The following PAK2 variants were observed in gnomAD, a reference collection of about 807,000 sequenced individuals.
PAK2 encodes serine/threonine-protein kinase PAK 2.
A neutral mutation model predicts 65.9 loss-of-function variants in PAK2; 21 were observed. The observed-to-expected ratio is 0.32, with a 90% CI of 0.23 to 0.46. The LOEUF (loss-of-function observed/expected upper bound fraction) is 0.46, where lower values mean the gene tolerates loss of function less well. PAK2 is among the 20% of genes least tolerant of loss of function. The probability of loss-of-function intolerance (pLI) is 1.00; values close to 1 mark genes in which losing one functional copy is unlikely to be tolerated. For missense variants in PAK2, 324 were observed against 642.6 expected, an observed-to-expected ratio of 0.50 and a Z score of 5.36; for synonymous variants, 204 against 219.7, an observed-to-expected ratio of 0.93 and a Z score of 0.63.
intron 1 of PAK2, among the ~76,000 whole-genome samples, chr3:196,757,480 A>G (rs533949583): frequency 6.1e-4 from 93 of 152,302 alleles, no homozygotes; most frequent in Non-Finnish European, 9.4e-4. Context: ...TATCAAAAGC[A>G]GGTATCTCTG....
chr3:196,814,460 A>C lies in PAK2; in HGVS notation c.945A>C (p.Val315=). Residue 315 remains valine (V), a synonymous_variant, in exon 11 of 15, where the codon GTA becomes GTC. Transcript: ENST00000327134. ...TATGTTGTATTTTTAGTTACCTGGT[A>C]GGAGATGAATTGTTTGTGGTCATGG... ...NIVNFLDSYL[V]GDELFVVMEY... 1 of 1,314,234 alleles carries C rather than the reference A, an allele frequency of 7.6e-7. No homozygotes were observed. The highest frequency in any genetic ancestry group is 1.1e-6 in the Non-Finnish European group (1 of 921,608). 81.4% of individuals were successfully genotyped at this position (1,314,234 alleles called of 1,614,324 possible).
chr3:196,794,344 A>G (rs1715175267), intron 2 of PAK2, among the ~76,000 whole-genome samples: 2 of 152,158 alleles, frequency 1.3e-5, no homozygotes, highest in Non-Finnish European at 2.9e-5. Flanking sequence ...CAGCACTAAG[A>G]TGATCACCAG....
chr3:196,792,613 A>G (rs1007874960), intron 2 of PAK2, among the ~76,000 whole-genome samples: 2 of 152,200 alleles, frequency 1.3e-5, no homozygotes, highest in Non-Finnish European at 2.9e-5. Context: ...ATACTAAACT[A>G]GTAGTATCTT....
intron 13 of PAK2, among the ~76,000 whole-genome samples, chr3:196,821,839 G>A (rs1245050392): frequency 6.6e-6 from 1 of 152,152 alleles, no homozygotes; most frequent in Non-Finnish European, 1.5e-5. Context: ...TCCTCTGCTG[G>A]GTACAGAGCC....
chr3:196,826,236 A>G (rs1176002925), intron 13 of PAK2, among the ~76,000 whole-genome samples: 1 of 151,386 alleles, frequency 6.6e-6, no homozygotes, highest in East Asian at 1.9e-4. Context: ...CAGTGGCGCA[A>G]TCTCGGCTCA....
At position 196,807,827 on chromosome 3, in the gene PAK2, G is replaced by T. The variant is rs779808851; in HGVS notation, c.622G>T (p.Asp208Tyr). Residue 208 changes from aspartate (D) to tyrosine (Y), a missense_variant, in exon 7 of 15, where the codon GAT (aspartate) becomes TAT (tyrosine). Physicochemically the swap from Asp to Tyr is radical, Grantham distance 160 (BLOSUM62 -3). This residue lies in a region of PAK2 where 183 missense variants were observed against 246.2 expected (regional missense o/e 0.74). Coordinates refer to ENST00000327134, the MANE Select transcript of PAK2 (RefSeq NM_002577.4). ...VIDPVPAPVG[D>Y]SHVDGAAKSL... ...TGACCCTGTTCCTGCACCAGTTGGT[G>T]ATTCACATGTTGATGGTGCTGCCAA... The T allele has an allele frequency of 1.9e-6, 3 of 1,612,698 alleles. No homozygotes were observed. Among genetic ancestry groups the T allele is most frequent in the Non-Finnish European group, 2.5e-6 (3 of 1,179,328 alleles).
intron 1 of PAK2, among the ~76,000 whole-genome samples, chr3:196,753,513 G>A (rs965548632): frequency 6.6e-6 from 1 of 152,176 alleles, no homozygotes; most frequent in Admixed American, 6.5e-5. Flanking sequence ...CTTTTATCTC[G>A]CTAATTACAT....
At chr3:196,751,256 C>T (rs1713569338) in intron 1 of PAK2, among the ~76,000 whole-genome samples, 1 of 152,106 alleles carries the variant, frequency 6.6e-6, no homozygotes. Context: ...ATCCGAAATG[C>T]TCCAAATTCC....
At chr3:196,751,767 C>T (rs1349160454) in intron 1 of PAK2, among the ~76,000 whole-genome samples, 2 of 117,272 alleles carry the variant, frequency 1.7e-5, no homozygotes, top group East Asian at 4.5e-4. Flanking sequence ...TTTTTGAGAC[C>T]GTTTCACTCT....
chr3:196,808,572 A>AAAAAAAAAAAAAAAAAAAAC (rs1715666560), intron 7 of PAK2, among the ~76,000 whole-genome samples: 1 of 145,646 alleles, frequency 6.9e-6, no homozygotes, highest in African/African-American at 2.6e-5. Flanking sequence ...AAAAAAAAAA[A>AAAAAAAAAAAAAAAAAAAAC]AAAGCGAACC....
At chr3:196,809,381 G>C (rs192212904) in intron 7 of PAK2, among the ~76,000 whole-genome samples, 26 of 100,800 alleles carry the variant, frequency 2.6e-4, no homozygotes, top group African/African-American at 9.4e-4. Context: ...ACAGAGTCTC[G>C]CTCTGTCACC....
At chr3:196,815,023 CA>C (rs1319990104) in intron 11 of PAK2, among the ~76,000 whole-genome samples, 3 of 151,228 alleles carry the variant, frequency 2.0e-5, no homozygotes, top group Admixed American at 6.6e-5. Context: ...ACTAAAAATA[CA>C]AAAAAATTAG....
chr3:196,762,621 G>T (rs1443465125), intron 1 of PAK2, among the ~76,000 whole-genome samples: 25 of 151,644 alleles, frequency 1.6e-4, no homozygotes, highest in Non-Finnish European at 3.2e-4. Flanking sequence ...GTTGCAGTGA[G>T]CTGAGATGGC....
At chr3:196,778,715 G>T (rs116360053) in intron 1 of PAK2, among the ~76,000 whole-genome samples, 25 of 152,348 alleles carry the variant, frequency 1.6e-4, no homozygotes, top group Admixed American at 2.0e-4. Context: ...AATCCAGGGT[G>T]TCACGTTGCG....
At position 196,751,700 on chromosome 3, in the gene PAK2, A is replaced by ACCTTC. The variant is rs1713605111; in HGVS notation, c.-22+11543_-22+11544insCCTTC. 8.0e-5 allele frequency among the ~76,000 whole-genome samples: 5 copies of ACCTTC among 62,826 alleles called. 1 individual carries two copies. The highest frequency in any genetic ancestry group is 5.3e-4 in the African/African-American group (5 of 9,512). The allele number at this position is 62,826 out of a possible 152,430, so 41.2% of individuals were successfully genotyped here. A position where few individuals can be genotyped will look rare whatever the true frequency, so the allele number is the denominator to read the frequency against. The stretch of plus-strand genomic sequence containing the variant: ...ATATATATATATATATATATAATTC[A>ACCTTC]GGCTATATATAAAAGGCATTTATGA... On this transcript the variant is annotated intron_variant, in intron 1 of 14. Transcript: ENST00000327134.
intron 1 of PAK2, among the ~76,000 whole-genome samples, chr3:196,770,408 C>T (rs1193324965): frequency 1.3e-5 from 2 of 151,874 alleles, no homozygotes; most frequent in African/African-American, 4.9e-5. Flanking sequence ...CTCAGCACAG[C>T]TACTTGGGAG....
chr3:196,814,325 C>G lies in PAK2; in HGVS notation c.936-126C>G, dbSNP rs1005064851. ...ACGTAGCAGCTTTCCAGTTTTCTTC[C>G]TAACTCTCAAGCTACCAGCTCTAGT... is the stretch of plus-strand genomic sequence containing the variant. On this transcript the variant is annotated intron_variant, in intron 10 of 14. Coordinates refer to ENST00000327134, the MANE Select transcript of PAK2 (RefSeq NM_002577.4). 2.2e-5 allele frequency: 13 copies of G among 598,706 alleles called. No individual in the cohort carries two copies. In the Admixed American group the frequency reaches 4.0e-4, roughly 18 times the overall value. The allele number at this position is 598,706 out of a possible 1,614,324, so 37.1% of individuals were successfully genotyped here.
chr3:196,795,934 G>C (rs900646132), intron 2 of PAK2, among the ~76,000 whole-genome samples: 4 of 152,202 alleles, frequency 2.6e-5, no homozygotes, highest in African/African-American at 7.2e-5. Flanking sequence ...CCAGTGGTGC[G>C]GGGGAATGGT....
intron 14 of PAK2, 197 bp downstream of exon 14, chr3:196,827,530 A>T: frequency 1.5e-6 from 1 of 674,042 alleles, no homozygotes; most frequent in Non-Finnish European, 1.8e-6. Flanking sequence ...GCATGTTCCC[A>T]CTCATAGGTG....
Sources: allele counts gnomAD v4.1 joint callset (sites outside exome capture counted in the v4.1 genomes callset), GRCh38; gene constraint gnomAD v4.1.1; regional missense constraint gnomAD v4.1.1; transcripts MANE v1.5; gene names NCBI Gene and HGNC (gene_info 2026-07-23, HGNC 2026-07-21).